Variants in WNT4 observed in about 807,000 individuals in gnomAD.
WNT4 encodes Wnt family member 4.
A neutral mutation model predicts 34.5 loss-of-function variants in WNT4; 16 were observed. That is an observed-to-expected ratio of 0.46 (90% CI 0.31 to 0.70). The LOEUF (loss-of-function observed/expected upper bound fraction) is 0.70. WNT4 is among the 30% of genes least tolerant of loss of function. The probability of loss-of-function intolerance (pLI) is 0.04; values close to 1 mark genes in which losing one functional copy is unlikely to be tolerated. For synonymous variants in WNT4, 200 were observed against 211.9 expected (o/e 0.94, Z 0.49); for missense variants, 379 against 495.9 (o/e 0.76, Z 2.24).
At chr1:22,127,392 C>G (rs772318899) in intron 2 of WNT4, 9 of 533,344 alleles carry the variant, frequency 1.7e-5, no homozygotes, top group Non-Finnish European at 2.7e-5. Context: ...CCCAGGCTAC[C>G]TCCTTCCTTG....
intron 2 of WNT4, among the ~76,000 whole-genome samples, chr1:22,125,024 C>A (rs529240203): frequency 6.6e-6 from 1 of 152,286 alleles, no homozygotes; most frequent in South Asian, 2.1e-4. Context: ...CTCCAGGAAG[C>A]CCCTTTGGAT....
At chr1:22,130,548 G>A (rs1309341663) in intron 1 of WNT4, among the ~76,000 whole-genome samples, 1 of 152,258 alleles carries the variant, frequency 6.6e-6, no homozygotes, top group Admixed American at 6.5e-5. Flanking sequence ...TCTCCCAAGG[G>A]TTGGGGATTT....
chr1:22,142,579 C>A lies in WNT4; in HGVS notation c.77+267G>T, dbSNP rs183472573. Reference sequence around the variant, plus strand: ...TCGCACCCCTGGCGCCCTCGAGAGCCCCGAGCCGCCTACCGGTGCGGACGC... The same window carrying A: ...TCGCACCCCTGGCGCCCTCGAGAGCACCGAGCCGCCTACCGGTGCGGACGC... On this transcript the variant is annotated intron_variant, in intron 1 of 4. Transcript: ENST00000290167. This position sits in a 1 kb window ranked among gnomAD's most constrained non-coding sequence, Gnocchi z 6.0. 0.016 allele frequency among the ~76,000 whole-genome samples: 2,392 copies of A among 151,912 alleles called. 34 individuals are homozygous for A. Among genetic ancestry groups the A allele is most frequent in the Non-Finnish European group, 0.023 (1,585 of 67,876 alleles).
chr1:22,121,823 C>G (rs1365207046), intron 2 of WNT4, among the ~76,000 whole-genome samples: 2 of 152,214 alleles, frequency 1.3e-5, no homozygotes, highest in Non-Finnish European at 2.9e-5. Context: ...CTCACAACCA[C>G]CCCAGGAGGC....
chr1:22,124,822 C>T (rs1372557757), intron 2 of WNT4, among the ~76,000 whole-genome samples: 2 of 152,136 alleles, frequency 1.3e-5, no homozygotes, highest in East Asian at 1.9e-4. Context: ...GCTTGCTGAT[C>T]CCCTGGGTGC....
At chr1:22,129,999 G>A in intron 1 of WNT4, 148 bp from the exon 2 acceptor site, 3 of 919,656 alleles carry the variant, frequency 3.3e-6, no homozygotes, top group Non-Finnish European at 5.2e-6. Context: ...TCCAGTTACA[G>A]GCCCTCTTGC....
chr1:22,136,657 G>A (rs894828184), intron 1 of WNT4, among the ~76,000 whole-genome samples: 2 of 152,056 alleles, frequency 1.3e-5, no homozygotes, highest in African/African-American at 2.4e-5. Context: ...CAGCGGCTGC[G>A]GGAACAGCTC....
rs1286406958 is a variant in WNT4 at position 22,131,618 on chromosome 1, G to A, written c.78-1767C>T. Among the ~76,000 whole-genome samples, 2 of 152,198 alleles carry A rather than the reference G, an allele frequency of 1.3e-5. 1 individual carries two copies. The highest frequency in any genetic ancestry group is 4.8e-5 in the African/African-American group (2 of 41,444). ...TTCCTTATCTGTAAATGGAGATAAC[G>A]GTTCTCACCCAGAGGGCTGCCAAGA... On this transcript the variant is annotated intron_variant, in intron 1 of 4. Coordinates refer to ENST00000290167, the MANE Select transcript of WNT4 (RefSeq NM_030761.5).
In WNT4 at chr1:22,129,598, C is replaced by T. The variant is rs374186946; in HGVS notation, c.313+18G>A. 1.1e-4 allele frequency: 172 copies of T among 1,609,026 alleles called. No homozygotes were observed. Among genetic ancestry groups the T allele is most frequent in the Admixed American group, 2.2e-4 (13 of 59,394 alleles). ...GGCACCGCAGGCTCCCCTGCAGCCC[C>T]GCACGCCCTTCCCTCACCTTGCGTC... is the stretch of plus-strand genomic sequence containing the variant. On this transcript the variant is annotated intron_variant, in intron 2 of 4. Transcript: ENST00000290167.
At chr1:22,138,150 G>A (rs1201019516) in intron 1 of WNT4, among the ~76,000 whole-genome samples, 1 of 152,212 alleles carries the variant, frequency 6.6e-6, no homozygotes, top group Non-Finnish European at 1.5e-5. Flanking sequence ...AATATGAAAC[G>A]GTTCTATAGG....
Position 22,142,291 on chromosome 1 carries a change from G to A in WNT4, c.77+555C>T, listed in dbSNP as rs764531632. 1.3e-5 allele frequency among the ~76,000 whole-genome samples: 2 copies of A among 152,086 alleles called. No homozygotes were observed. The highest frequency in any genetic ancestry group is 2.9e-5 in the Non-Finnish European group (2 of 68,018). On this transcript the variant is annotated intron_variant, in intron 1 of 4. Coordinates refer to ENST00000290167, the MANE Select transcript of WNT4 (RefSeq NM_030761.5). The surrounding 1 kb of genome is among the most constrained non-coding windows in gnomAD (Gnocchi z 6.0). ...AGCGCCAGCGCCAGCCCCGGGCCCT[G>A]GGAGACCAGGCGTCCTGGTCCCTTC...
chr1:22,120,171 C>T lies in WNT4; in HGVS notation c.935G>A (p.Gly312Asp), dbSNP rs1345747685. The T allele has an allele frequency of 1.2e-6, 2 of 1,613,558 alleles. No individual in the cohort carries two copies. The highest frequency in any genetic ancestry group is 1.7e-6 in the Non-Finnish European group (2 of 1,179,952). The change falls in exon 5 of 5, where the codon GGC (glycine) becomes GAC (aspartate). Residue 312 changes from glycine (G) to aspartate (D), a missense_variant. Physicochemically the swap from Gly to Asp is moderately conservative, Grantham distance 94 (BLOSUM62 -1). Transcript: ENST00000290167. ...AIDGCELLCCGRGFHTAQVEL... is the reference protein window; with the variant it reads ...AIDGCELLCCDRGFHTAQVEL... The stretch of plus-strand genomic sequence containing the variant: ...CACCTGCGCCGTGTGGAAGCCGCGG[C>T]CACAGCACAGCAGCTCACAGCCGTC...
chr1:22,122,104 G>A (rs1482230989), intron 2 of WNT4, among the ~76,000 whole-genome samples: 1 of 152,220 alleles, frequency 6.6e-6, no homozygotes, highest in Non-Finnish European at 1.5e-5. Flanking sequence ...GCTCTGAGGA[G>A]TTGCCCTTCC....
At chr1:22,127,079 C>T (rs188955984) in intron 2 of WNT4, 26 of 349,442 alleles carry the variant, frequency 7.4e-5, no homozygotes, top group Admixed American at 4.8e-4. Context: ...AAACCAAAAA[C>T]GTAAAAGGGA....
intron 1 of WNT4, among the ~76,000 whole-genome samples, chr1:22,131,817 C>A (rs1645985910): frequency 6.6e-6 from 1 of 152,208 alleles, no homozygotes; most frequent in South Asian, 2.1e-4. Context: ...CTCCCAGGGG[C>A]CTCCCCGCCC....
At chr1:22,124,691 C>A (rs1645927872) in intron 2 of WNT4, among the ~76,000 whole-genome samples, 1 of 152,192 alleles carries the variant, frequency 6.6e-6, no homozygotes, top group Non-Finnish European at 1.5e-5. Flanking sequence ...CAGGCCTGTG[C>A]TTTTCAGAGC....
chr1:22,126,945 G>T, intron 2 of WNT4: 1 of 268,454 alleles, frequency 3.7e-6, no homozygotes, highest in Non-Finnish European at 7.3e-6. Flanking sequence ...TGCCTCACCA[G>T]CCAATCCCTG....
rs1645873076 is a variant in WNT4 at position 22,119,192 on chromosome 1, G to GTT, written c.*857_*858insAA. 1 of 62,916 alleles carries GTT rather than the reference G, an allele frequency of 1.6e-5. No individual in the cohort carries two copies. Among genetic ancestry groups the GTT allele is most frequent in the Non-Finnish European group, 2.9e-5 (1 of 34,008 alleles). 3.9% of individuals were successfully genotyped at this position (62,916 alleles called of 1,614,324 possible). ...CGCAGGTGTGTGTGTGTGTCCGTGT[G>GTT]TGTGTGTGTGTGTGTGTGTGTGTGT... On this transcript the variant is annotated 3_prime_UTR_variant, in exon 5 of 5. Coordinates refer to ENST00000290167, the MANE Select transcript of WNT4 (RefSeq NM_030761.5).
chr1:22,129,317 C>T (rs537222858), intron 2 of WNT4, among the ~76,000 whole-genome samples: 253 of 152,328 alleles, frequency 1.7e-3, no homozygotes, highest in Middle Eastern at 3.4e-3. Flanking sequence ...CCTTAATTAC[C>T]TGCTTACGCT....
Sources: allele counts gnomAD v4.1 joint callset (sites outside exome capture counted in the v4.1 genomes callset), GRCh38; gene constraint gnomAD v4.1.1; non-coding constraint Gnocchi (gnomAD v3.1); transcripts MANE v1.5; gene names NCBI Gene and HGNC (gene_info 2026-07-23, HGNC 2026-07-21).